Variants in CREB3L2 observed in about 807,000 individuals in gnomAD.
CREB3L2 encodes cAMP responsive element binding protein 3 like 2, also known as cyclic AMP-responsive element-binding protein 3-like protein 2.
A neutral mutation model predicts 57.2 loss-of-function variants in CREB3L2; 23 were observed. The ratio of observed to expected loss-of-function variants is 0.40; its 90% CI spans 0.29 to 0.57. The LOEUF (loss-of-function observed/expected upper bound fraction) is 0.57, where lower values mean the gene tolerates loss of function less well. Ranked by LOEUF, CREB3L2 falls within the 20% of genes least tolerant of loss-of-function variation. CREB3L2 has a pLI of 0.42. For synonymous variants in CREB3L2, 268 were observed against 265.1 expected (o/e 1.01, Z -0.11); for missense variants, 628 against 634.7 (o/e 0.99, Z 0.11).
intron 1 of CREB3L2, among the ~76,000 whole-genome samples, chr7:137,976,729 A>G (rs1281533395): frequency 6.6e-6 from 1 of 152,204 alleles, no homozygotes; most frequent in African/African-American, 2.4e-5. Context: ...AGACATTTTA[A>G]TTTAGTCAGT....
intron 1 of CREB3L2, among the ~76,000 whole-genome samples, chr7:137,983,740 G>A (rs1038905407): frequency 3.9e-5 from 6 of 152,270 alleles, no homozygotes; most frequent in African/African-American, 1.2e-4. Context: ...CCTCTCCCCT[G>A]TGGTTGTTCT....
intron 2 of CREB3L2, among the ~76,000 whole-genome samples, chr7:137,920,016 G>C (rs1343806919): frequency 1.3e-5 from 2 of 152,216 alleles, no homozygotes; most frequent in African/African-American, 4.8e-5. Flanking sequence ...GCTTAGGATG[G>C]TAATTATTGG....
chr7:137,905,492 T>A (rs1799866538), intron 6 of CREB3L2, among the ~76,000 whole-genome samples: 1 of 147,894 alleles, frequency 6.8e-6, no homozygotes, highest in South Asian at 2.1e-4. Context: ...GATCTGGGAG[T>A]CTGCTGGCCT....
intron 8 of CREB3L2, among the ~76,000 whole-genome samples, chr7:137,898,772 CAACT>C (rs1799677474): frequency 1.3e-5 from 2 of 152,070 alleles, no homozygotes; most frequent in Non-Finnish European, 2.9e-5. Flanking sequence ...CTCTACAGGA[CAACT>C]GACTCGGCCT....
At chr7:137,973,376 G>A (rs975195517) in intron 1 of CREB3L2, among the ~76,000 whole-genome samples, 2 of 151,946 alleles carry the variant, frequency 1.3e-5, no homozygotes, top group Admixed American at 1.3e-4. Flanking sequence ...GTTCAGTACC[G>A]CACCAAGGAA....
chr7:137,921,440 A>G (rs182294467), intron 2 of CREB3L2, among the ~76,000 whole-genome samples: 46 of 152,354 alleles, frequency 3.0e-4, no homozygotes, highest in Non-Finnish European at 5.1e-4. Flanking sequence ...TGGTGCAGCC[A>G]TGAGCAATGG....
intron 1 of CREB3L2, among the ~76,000 whole-genome samples, chr7:137,948,753 C>G (rs551507101): frequency 6.6e-6 from 1 of 152,278 alleles, no homozygotes; most frequent in African/African-American, 2.4e-5. Flanking sequence ...AACGAATTGA[C>G]CATTCCTATC....
chr7:137,943,039 T>C (rs1046705698), intron 1 of CREB3L2, among the ~76,000 whole-genome samples: 3 of 152,192 alleles, frequency 2.0e-5, no homozygotes, highest in Non-Finnish European at 4.4e-5. Context: ...GCAGAAAGAA[T>C]GCCTTGTTTG....
rs1340602223 is a variant in CREB3L2, at chr7:138,001,662, T to C, written c.44A>G (p.Asp15Gly). The C allele has an allele frequency of 3.7e-6, 6 of 1,613,104 alleles. No individual in the cohort carries two copies. In the African/African-American group the frequency reaches 4.0e-5, roughly 11 times the overall value. The change falls in exon 1 of 12, where the codon GAC (aspartate) becomes GGC (glycine). Residue 15 changes from aspartate (D) to glycine (G), a missense_variant. Transcript: ENST00000330387. This position sits in a 1 kb window ranked among gnomAD's most constrained non-coding sequence, Gnocchi z 4.2. ...CTCTGACAGCTCGCTCAGCTTGCGG[T>C]CCCACTGCAGCACGCCCTGCTCCCC... ...ESGEQGVLQW[D>G]RKLSELSEPG... is the part of the protein sequence containing the mutation.
intron 7 of CREB3L2, among the ~76,000 whole-genome samples, chr7:137,903,146 T>C (rs996231102): frequency 2.6e-5 from 4 of 152,230 alleles, no homozygotes; most frequent in Admixed American, 2.0e-4. Flanking sequence ...TTTAGACCCA[T>C]GGTTGGTTGA....
intron 1 of CREB3L2, among the ~76,000 whole-genome samples, chr7:137,928,688 C>A (rs1033338998): frequency 6.6e-6 from 1 of 152,184 alleles, no homozygotes; most frequent in Non-Finnish European, 1.5e-5. Flanking sequence ...ACTTGGGCCT[C>A]TTTCTCAAAA....
At chr7:137,987,285 C>G (rs1585678703) in intron 1 of CREB3L2, among the ~76,000 whole-genome samples, 2 of 152,158 alleles carry the variant, frequency 1.3e-5, no homozygotes, top group East Asian at 3.8e-4. Context: ...CCTAAGTCAT[C>G]TGTAACTGGA....
At chr7:137,891,145 T>A (rs1410752609) in intron 8 of CREB3L2, among the ~76,000 whole-genome samples, 1 of 152,210 alleles carries the variant, frequency 6.6e-6, no homozygotes, top group Non-Finnish European at 1.5e-5. Context: ...GATTTTGTCC[T>A]GTGGTGAGAT....
intron 1 of CREB3L2, among the ~76,000 whole-genome samples, chr7:137,989,670 C>A (rs992232823): frequency 2.0e-5 from 3 of 152,104 alleles, no homozygotes; most frequent in Non-Finnish European, 2.9e-5. Flanking sequence ...ACTCCAGACC[C>A]AAGTCTCCAA....
At position 138,002,079 on chromosome 7, in the gene CREB3L2, T is replaced by A. The variant is rs1017073762; in HGVS notation, c.-374A>T. The stretch of plus-strand genomic sequence containing the variant: ...AAACTTTGAGGGACCCCAGGGCTCC[T>A]CGGCTCTGCTCCAGGACCCAGCTGC... On this transcript the variant is annotated 5_prime_UTR_variant, in exon 1 of 12. Coordinates refer to ENST00000330387, the MANE Select transcript of CREB3L2 (RefSeq NM_194071.4). 6 of 267,710 alleles carry A rather than the reference T, an allele frequency of 2.2e-5. No individual in the cohort carries two copies. Among genetic ancestry groups the A allele is most frequent in the Non-Finnish European group, 3.6e-5 (5 of 139,414 alleles). The allele number at this position is 267,710 out of a possible 1,614,324, so 16.6% of individuals were successfully genotyped here.
At chr7:137,956,572 T>G (rs1324503976) in intron 1 of CREB3L2, 1 of 1,287,424 alleles carries the variant, frequency 7.8e-7, no homozygotes, top group Non-Finnish European at 1.0e-6. Flanking sequence ...CTCTCTACCT[T>G]CCATCTTTCA....
intron 1 of CREB3L2, among the ~76,000 whole-genome samples, chr7:137,951,779 C>T (rs77036927): frequency 0.02 from 3,022 of 152,144 alleles, 103 homozygotes; most frequent in African/African-American, 0.069. Flanking sequence ...CCCAGGAGTT[C>T]GAGACGAGAC....
In CREB3L2 at chr7:137,890,032, A is replaced by C. The variant is rs72611543; in HGVS notation, c.1044-4530T>G. 6.3e-3 allele frequency among the ~76,000 whole-genome samples: 955 copies of C among 152,336 alleles called. 20 individuals carry two copies. The highest frequency in any genetic ancestry group is 0.05 in the East Asian group (259 of 5,180). ...TTAATAATAAAGCATGTCTTAGTTA[A>C]GTAGATTTTTCTTAACTCCAGTAAC... On this transcript the variant is annotated intron_variant, in intron 8 of 11. Coordinates refer to ENST00000330387, the MANE Select transcript of CREB3L2 (RefSeq NM_194071.4).
At position 137,982,708 on chromosome 7, in the gene CREB3L2, T is replaced by C. The variant is rs751464848; in HGVS notation, c.102+18896A>G. Among the ~76,000 whole-genome samples, 7 of 152,268 alleles carry C rather than the reference T, an allele frequency of 4.6e-5. 1 individual carries two copies. In the Middle Eastern group the frequency reaches 0.01, roughly 222 times the overall value. ...AATTAAACCTCTTTCCTTTATAAAT[T>C]ACCCAGTCCTGGGTATGTCTTTATC... On this transcript the variant is annotated intron_variant, in intron 1 of 11. Transcript: ENST00000330387.
Sources: allele counts gnomAD v4.1 joint callset (sites outside exome capture counted in the v4.1 genomes callset), GRCh38; gene constraint gnomAD v4.1.1; non-coding constraint Gnocchi (gnomAD v3.1); transcripts MANE v1.5; gene names NCBI Gene and HGNC (gene_info 2026-07-23, HGNC 2026-07-21).